ABHD12: variants seen among roughly 807,000 people sequenced by gnomAD.
The protein encoded by ABHD12 is lysophosphatidylserine lipase ABHD12.
In ABHD12, 43 loss-of-function variants were observed where a neutral mutation model predicts 58.3. The observed-to-expected ratio is 0.74, with a 90% CI of 0.58 to 0.95. The LOEUF (loss-of-function observed/expected upper bound fraction) is 0.95. Among genes scored for constraint, ABHD12 ranks in the 40% least tolerant of loss-of-function variants. The probability of loss-of-function intolerance (pLI) is 0.00; values close to 1 mark genes in which losing one functional copy is unlikely to be tolerated. For missense variants in ABHD12, 539 were observed against 537.2 expected (o/e 1.00, Z -0.03); for synonymous variants, 219 against 211.2 (o/e 1.04, Z -0.32).
intron 1 of ABHD12, among the ~76,000 whole-genome samples, chr20:25,367,779 C>CT (rs2089843720): frequency 6.6e-6 from 1 of 152,202 alleles, no homozygotes. Context: ...CCACATTTTG[C>CT]TTATCCATTC....
At chr20:25,347,883 A>C (rs2089541188) in intron 1 of ABHD12, among the ~76,000 whole-genome samples, 1 of 151,366 alleles carries the variant, frequency 6.6e-6, no homozygotes, top group African/African-American at 2.4e-5. Context: ...AAAAGTTCAC[A>C]TATGATGTTG....
intron 1 of ABHD12, among the ~76,000 whole-genome samples, chr20:25,384,678 G>A (rs13038660): frequency 8.5e-5 from 13 of 152,160 alleles, no homozygotes; most frequent in Admixed American, 7.2e-4. Flanking sequence ...CTGAGAGGCA[G>A]AGGCTGCAGT....
chr20:25,305,240 T>G (rs376539656), intron 10 of ABHD12, among the ~76,000 whole-genome samples: 7 of 152,260 alleles, frequency 4.6e-5, no homozygotes, highest in African/African-American at 1.7e-4. Flanking sequence ...AAATATTTGT[T>G]CAACTTTTAA....
At chr20:25,317,175 G>A (rs2088978875) in intron 4 of ABHD12, 97 bp from the exon 5 acceptor site, 2 of 792,588 alleles carry the variant, frequency 2.5e-6, no homozygotes, top group South Asian at 2.9e-5. Context: ...GGAGGCCAAT[G>A]AAAGAGGGCA....
intron 4 of ABHD12, among the ~76,000 whole-genome samples, chr20:25,319,064 C>A (rs776309377): frequency 6.6e-6 from 1 of 152,248 alleles, no homozygotes; most frequent in African/African-American, 2.4e-5. Flanking sequence ...TGGTGCCACA[C>A]GGGACCTCGG....
intron 2 of ABHD12, among the ~76,000 whole-genome samples, chr20:25,336,971 A>T (rs2089381760): frequency 6.6e-6 from 1 of 152,194 alleles, no homozygotes; most frequent in African/African-American, 2.4e-5. Context: ...TCTTTCAGAA[A>T]CACCACAGGG....
At chr20:25,377,761 G>C (rs1371456019) in intron 1 of ABHD12, among the ~76,000 whole-genome samples, 1 of 152,176 alleles carries the variant, frequency 6.6e-6, no homozygotes, top group Non-Finnish European at 1.5e-5. Context: ...ACAGTGGCGT[G>C]ATCTCGGCTC....
chr20:25,390,336 C>A (rs962438021), intron 1 of ABHD12, among the ~76,000 whole-genome samples, 177 bp downstream of exon 1: 1 of 152,146 alleles, frequency 6.6e-6, no homozygotes, highest in East Asian at 1.9e-4. Context: ...GGGAAGGGAG[C>A]GGGGGTGGGG....
chr20:25,301,474 G>C (rs1156297992), intron 12 of ABHD12, among the ~76,000 whole-genome samples: 1 of 152,212 alleles, frequency 6.6e-6, no homozygotes, highest in Admixed American at 6.5e-5. Context: ...CCCCTCCGTG[G>C]GTCCAGTGCT....
intron 1 of ABHD12, chr20:25,368,343 C>T: frequency 6.5e-7 from 1 of 1,548,140 alleles, no homozygotes; most frequent in Non-Finnish European, 8.9e-7. Flanking sequence ...CCACAGCGCT[C>T]CATGGCCTCC....
intron 12 of ABHD12, among the ~76,000 whole-genome samples, chr20:25,301,324 T>C (rs1047226701): frequency 6.6e-6 from 1 of 152,162 alleles, no homozygotes; most frequent in African/African-American, 2.4e-5. Context: ...TGCAGTAGAA[T>C]TACTCACGGG....
intron 5 of ABHD12, 71 bp downstream of exon 5, chr20:25,316,977 G>A (rs766348551): frequency 1.3e-5 from 18 of 1,350,200 alleles, no homozygotes; most frequent in Non-Finnish European, 1.9e-5. Context: ...CTGTGAGTCT[G>A]GTGACTCCCT....
intron 1 of ABHD12, among the ~76,000 whole-genome samples, chr20:25,375,384 T>C (rs1332483522): frequency 1.3e-5 from 2 of 152,252 alleles, no homozygotes; most frequent in Non-Finnish European, 2.9e-5. Context: ...TAGCAGGGAC[T>C]GTATCTTCTG....
rs550820119 is a variant in ABHD12, at chr20:25,343,209, A to G, written c.192-3858T>C. ...TGTTTCTATTAAATACATTCAATCAATAATTAACAACCTTCCAAAACAGAA... is the reference window on the plus strand; with the variant it reads ...TGTTTCTATTAAATACATTCAATCAGTAATTAACAACCTTCCAAAACAGAA... On this transcript the variant is annotated intron_variant, in intron 1 of 12. Coordinates refer to ENST00000339157, the MANE Select transcript of ABHD12 (RefSeq NM_001042472.3). Among the ~76,000 whole-genome samples, 27 of 152,354 alleles carry G rather than the reference A, an allele frequency of 1.8e-4. No homozygotes were observed. In the South Asian group the frequency reaches 5.6e-3, roughly 32 times the overall value.
chr20:25,298,021 C>CT (rs2088577339), downstream of ABHD12: 1 of 120,500 alleles, frequency 8.3e-6, no homozygotes, highest in Non-Finnish European at 1.8e-5. Flanking sequence ...GACATGGGGT[C>CT]TGTGTTTCAC....
chr20:25,357,411 T>C (rs2089682742), intron 1 of ABHD12, among the ~76,000 whole-genome samples: 1 of 152,198 alleles, frequency 6.6e-6, no homozygotes, highest in South Asian at 2.1e-4. Flanking sequence ...GTAGCTCTTG[T>C]TGTCAATACT....
intron 2 of ABHD12, among the ~76,000 whole-genome samples, chr20:25,337,794 A>C (rs901372672): frequency 5.3e-5 from 8 of 152,236 alleles, no homozygotes; most frequent in Non-Finnish European, 1.0e-4. Flanking sequence ...TGTACATTTA[A>C]GGAACATTAA....
chr20:25,350,754 G>C (rs1220308481), intron 1 of ABHD12, among the ~76,000 whole-genome samples: 2 of 152,166 alleles, frequency 1.3e-5, no homozygotes, highest in African/African-American at 2.4e-5. Context: ...AGAGAAACCT[G>C]TTAACAGAAT....
chr20:25,295,537 C>CT (rs1292633260), downstream of ABHD12: 1 of 1,528,058 alleles, frequency 6.5e-7, no homozygotes, highest in Admixed American at 1.7e-5. Context: ...CCCTGGGACT[C>CT]TCCCCTCGGG....
Sources: allele counts gnomAD v4.1 joint callset (sites outside exome capture counted in the v4.1 genomes callset), GRCh38; gene constraint gnomAD v4.1.1; transcripts MANE v1.5; gene names NCBI Gene and HGNC (gene_info 2026-07-23, HGNC 2026-07-21).